Variants in LEKR1 observed in about 807,000 individuals in gnomAD.
LEKR1 encodes the protein protein LEKR1.
In LEKR1, 59 loss-of-function variants were observed where a neutral mutation model predicts 72.4. The observed-to-expected ratio is 0.82, with a 90% CI of 0.66 to 1.01. The LOEUF is 1.01. Among genes scored for constraint, LEKR1 ranks in the 50% least tolerant of loss-of-function variants. The pLI is 0.00. For missense variants in LEKR1, 728 were observed against 759.2 expected (o/e 0.96, Z 0.48); for synonymous variants, 257 against 263.2 (o/e 0.98, Z 0.23).
intron 2 of LEKR1, among the ~76,000 whole-genome samples, chr3:156,846,756 G>A (rs1326651923): frequency 1.3e-5 from 2 of 152,108 alleles, no homozygotes; most frequent in African/African-American, 4.8e-5. Flanking sequence ...CCTTGTCTAA[G>A]CACAAAAAGC....
chr3:156,930,537 G>A (rs1378125337), intron 5 of LEKR1, among the ~76,000 whole-genome samples: 1 of 152,006 alleles, frequency 6.6e-6, no homozygotes, highest in East Asian at 1.9e-4. Context: ...AATTAAGTAT[G>A]TATATTATAA....
intron 3 of LEKR1, chr3:156,853,462 G>A (rs1715646091): frequency 6.6e-6 from 1 of 152,514 alleles, no homozygotes; most frequent in Non-Finnish European, 1.5e-5. Flanking sequence ...TTCTAATTTT[G>A]TAGAATCTAA....
At chr3:156,934,903 T>G (rs1045989431) in intron 5 of LEKR1, among the ~76,000 whole-genome samples, 1 of 152,178 alleles carries the variant, frequency 6.6e-6, no homozygotes, top group Non-Finnish European at 1.5e-5. Flanking sequence ...GTATGTATCT[T>G]ATTTAACTAA....
In LEKR1 at chr3:156,840,160, G is replaced by A. The variant is rs138540504; in HGVS notation, c.48+10783G>A. Among the ~76,000 whole-genome samples the A allele has an allele frequency of 2.8e-3, 419 of 152,230 alleles. 2 individuals carry two copies. The highest frequency in any genetic ancestry group is 9.7e-3 in the African/African-American group (402 of 41,530). ...TTTATAAAATATGCATTAATTGAAT[G>A]TTTATATTATCAGCAAGGCTTCCTG... On this transcript the variant is annotated intron_variant, in intron 2 of 12. Coordinates refer to ENST00000356539, the MANE Select transcript of LEKR1 (RefSeq NM_001004316.3).
At chr3:156,893,682 T>A (rs1007847104) in intron 3 of LEKR1, among the ~76,000 whole-genome samples, 4 of 152,222 alleles carry the variant, frequency 2.6e-5, no homozygotes, top group African/African-American at 7.2e-5. Context: ...AGTTTCTTGA[T>A]GCCCTTACCA....
chr3:156,938,537 C>T (rs963958572), intron 5 of LEKR1, among the ~76,000 whole-genome samples: 4 of 152,004 alleles, frequency 2.6e-5, no homozygotes, highest in East Asian at 3.9e-4. Context: ...CCACCACCCT[C>T]GGCTAATTTT....
rs181051231 is a variant in LEKR1, at chr3:157,036,984, A to G, written c.1669-8356A>G. On this transcript the variant is annotated intron_variant, in intron 12 of 12. Coordinates refer to ENST00000356539, the MANE Select transcript of LEKR1 (RefSeq NM_001004316.3). ...AGAAAATGTCATCTTAGTACATAAC[A>G]TGGCCCAGATGTGCATATGCTTATA... 1.1e-4 allele frequency among the ~76,000 whole-genome samples: 16 copies of G among 152,336 alleles called. No individual in the cohort carries two copies. The East Asian group carries it at 3.1e-3, about 29-fold the overall frequency.
intron 5 of LEKR1, among the ~76,000 whole-genome samples, chr3:156,930,656 G>A (rs1358825588): frequency 1.3e-5 from 2 of 151,916 alleles, no homozygotes; most frequent in African/African-American, 4.8e-5. Flanking sequence ...CCAAAAAATG[G>A]CATTTTAAAC....
At chr3:157,039,815 C>G (rs999766786) in intron 12 of LEKR1, among the ~76,000 whole-genome samples, 3 of 152,226 alleles carry the variant, frequency 2.0e-5, no homozygotes, top group Non-Finnish European at 4.4e-5. Flanking sequence ...ACACACTTCT[C>G]TGGTAATTCC....
rs1245188862 is a variant in LEKR1 at position 156,920,711 on chromosome 3, G to A, written c.383+17G>A. 4.7e-6 allele frequency: 6 copies of A among 1,288,300 alleles called. No homozygotes were observed. 79.8% of individuals were successfully genotyped at this position (1,288,300 alleles called of 1,614,324 possible). On this transcript the variant is annotated intron_variant, in intron 4 of 12. Transcript: ENST00000356539. ...CATCTTCAGGTAAGATTAAAGAACT[G>A]AAAATTATAAAGATTGAAAAGATAT...
chr3:156,985,984 G>C (rs566816699), intron 7 of LEKR1, among the ~76,000 whole-genome samples: 100 of 152,206 alleles, frequency 6.6e-4, no homozygotes, highest in African/African-American at 2.3e-3. Flanking sequence ...TGAAAACAGA[G>C]ATTGCAGTGA....
intron 11 of LEKR1, 95 bp from the exon 12 acceptor site, chr3:157,028,008 A>T: frequency 1.2e-6 from 1 of 803,034 alleles, no homozygotes; most frequent in Non-Finnish European, 2.0e-6. Flanking sequence ...AAGTGAGTAC[A>T]CTGATTAATG....
At chr3:156,999,799 C>T (rs1356795571) in intron 9 of LEKR1, among the ~76,000 whole-genome samples, 2 of 152,176 alleles carry the variant, frequency 1.3e-5, no homozygotes, top group Admixed American at 1.3e-4. Flanking sequence ...GCCTGCCACA[C>T]CTGCCTCACT....
At chr3:156,900,526 T>C (rs1319750465) in intron 3 of LEKR1, among the ~76,000 whole-genome samples, 1 of 152,136 alleles carries the variant, frequency 6.6e-6, no homozygotes, top group Non-Finnish European at 1.5e-5. Flanking sequence ...TAACTTGAGA[T>C]CACAGTGCTA....
chr3:156,902,829 G>A (rs1485184520), intron 3 of LEKR1, among the ~76,000 whole-genome samples: 1 of 151,756 alleles, frequency 6.6e-6, no homozygotes, highest in Non-Finnish European at 1.5e-5. Flanking sequence ...CGAAATGCTT[G>A]ATTTATTTTT....
intron 10 of LEKR1, among the ~76,000 whole-genome samples, chr3:157,018,370 A>C (rs767716997): frequency 1.3e-5 from 2 of 152,246 alleles, no homozygotes; most frequent in Non-Finnish European, 2.9e-5. Flanking sequence ...ACAGCAGAAT[A>C]CACATTCTTC....
intron 12 of LEKR1, among the ~76,000 whole-genome samples, chr3:157,036,501 A>G (rs1331261849): frequency 6.6e-6 from 1 of 152,196 alleles, no homozygotes; most frequent in African/African-American, 2.4e-5. Context: ...CAAGCATCAA[A>G]CGCAGATATT....
chr3:156,948,156 G>T (rs1261329745), intron 6 of LEKR1, among the ~76,000 whole-genome samples: 2 of 150,880 alleles, frequency 1.3e-5, no homozygotes, highest in Non-Finnish European at 3.0e-5. Context: ...CAAAAATATG[G>T]TATGCTCTTT....
intron 6 of LEKR1, among the ~76,000 whole-genome samples, chr3:156,975,983 A>C (rs1303464358): frequency 6.6e-6 from 1 of 152,162 alleles, no homozygotes; most frequent in Admixed American, 6.6e-5. Flanking sequence ...TAATACACTT[A>C]TTTAACAACT....
Sources: gnomAD v4.1 joint callset for allele counts (sites outside exome capture counted in the v4.1 genomes callset) on GRCh38, gnomAD v4.1.1 for gene constraint, MANE v1.5 for transcripts, NCBI Gene and HGNC (gene_info 2026-07-23, HGNC 2026-07-21) for gene names.